Variants in EPHA6 observed in about 807,000 individuals in gnomAD.
The protein encoded by EPHA6 is ephrin type-A receptor 6.
Under a neutral mutation model 112.0 loss-of-function variants are expected in EPHA6, and 50 were observed. That is an observed-to-expected ratio of 0.45 (90% confidence interval 0.36 to 0.56). EPHA6 has a LOEUF of 0.56. Ranked by LOEUF, EPHA6 falls within the 20% of genes least tolerant of loss-of-function variation. The pLI, the probability that EPHA6 is intolerant of heterozygous loss-of-function variation, is 0.00. For missense variants in EPHA6, 1,280 were observed against 1,417.4 expected (o/e 0.90, Z 1.56); for synonymous variants, 529 against 490.7 (o/e 1.08, Z -1.03).
intron 2 of EPHA6, among the ~76,000 whole-genome samples, chr3:96,899,119 G>T (rs950591717): frequency 4.0e-5 from 6 of 151,824 alleles, no homozygotes; most frequent in Admixed American, 3.3e-4. Flanking sequence ...GAAGGTATTG[G>T]CAAGACCAAG....
In EPHA6 at chr3:97,749,173, G is replaced by T. The variant is rs1373362919; in HGVS notation, c.*472G>T. On this transcript the variant is annotated 3_prime_UTR_variant, in exon 18 of 18. Transcript: ENST00000389672. ...ATAATTATATTCAGCTCTATTGGTT[G>T]TATTATTACTTTATTTTTTAATACT... is the stretch of plus-strand genomic sequence containing the variant. The T allele has an allele frequency of 8.8e-6, 2 of 226,136 alleles. No individual in the cohort carries two copies. The highest frequency in any genetic ancestry group is 5.6e-5 in the Admixed American group (1 of 17,856). 14.0% of individuals were successfully genotyped at this position (226,136 alleles called of 1,614,324 possible).
intron 5 of EPHA6, among the ~76,000 whole-genome samples, chr3:97,327,624 A>C (rs1195312886): frequency 6.6e-6 from 1 of 151,804 alleles, no homozygotes; most frequent in Admixed American, 6.6e-5. Context: ...ACCTCTCTTC[A>C]TCCCCTCTCT....
chr3:97,137,131 C>A (rs1486772888), intron 3 of EPHA6, among the ~76,000 whole-genome samples: 4 of 152,104 alleles, frequency 2.6e-5, no homozygotes, highest in African/African-American at 9.7e-5. Flanking sequence ...TGATAACATA[C>A]AAATCACATT....
chr3:97,158,493 T>G (rs1484822030), intron 3 of EPHA6, among the ~76,000 whole-genome samples: 2 of 152,174 alleles, frequency 1.3e-5, no homozygotes, highest in African/African-American at 2.4e-5. Context: ...TTAATCATTT[T>G]AGGAGACTTA....
intron 3 of EPHA6, among the ~76,000 whole-genome samples, chr3:97,171,919 C>T (rs1423110486): frequency 6.6e-6 from 1 of 151,958 alleles, no homozygotes; most frequent in African/African-American, 2.4e-5. Context: ...AACAATAAGG[C>T]TATACTATCA....
At chr3:96,925,856 T>A (rs2040010697) in intron 2 of EPHA6, among the ~76,000 whole-genome samples, 1 of 152,136 alleles carries the variant, frequency 6.6e-6, no homozygotes, top group African/African-American at 2.4e-5. Flanking sequence ...TCCACCTGCC[T>A]TGGCCTCCCA....
chr3:97,668,671 T>C (rs1576246868), intron 14 of EPHA6, among the ~76,000 whole-genome samples: 3 of 152,012 alleles, frequency 2.0e-5, no homozygotes, highest in Admixed American at 6.6e-5. Flanking sequence ...CCCAGCACTT[T>C]GGGAGGCCGA....
intron 5 of EPHA6, among the ~76,000 whole-genome samples, chr3:97,388,750 A>T (rs2086225746): frequency 6.6e-6 from 1 of 152,154 alleles, no homozygotes; most frequent in Admixed American, 6.6e-5. Context: ...GGGGAAAAAG[A>T]TCCTCATCAC....
At chr3:96,977,387 G>T (rs142837181) in intron 2 of EPHA6, among the ~76,000 whole-genome samples, 1 of 152,112 alleles carries the variant, frequency 6.6e-6, no homozygotes, top group Non-Finnish European at 1.5e-5. Context: ...TAAAAGGGGG[G>T]TGGATGATGA....
At chr3:97,074,116 G>T (rs146714125) in intron 3 of EPHA6, among the ~76,000 whole-genome samples, 1 of 151,938 alleles carries the variant, frequency 6.6e-6, no homozygotes, top group East Asian at 1.9e-4. Context: ...ACACCACGTT[G>T]CATTTATGGG....
intron 3 of EPHA6, among the ~76,000 whole-genome samples, chr3:97,114,207 G>C (rs1170262310): frequency 6.6e-6 from 1 of 152,056 alleles, no homozygotes; most frequent in Non-Finnish European, 1.5e-5. Context: ...CCACATTTAG[G>C]AGAGCTTTCC....
chr3:97,191,148 T>C (rs2077295014), intron 3 of EPHA6, among the ~76,000 whole-genome samples: 1 of 152,050 alleles, frequency 6.6e-6, no homozygotes, highest in Non-Finnish European at 1.5e-5. Context: ...CTGAGACAAA[T>C]AAACCCTTCA....
chr3:97,111,952 T>C (rs960510124), intron 3 of EPHA6, among the ~76,000 whole-genome samples: 1 of 152,270 alleles, frequency 6.6e-6, no homozygotes, highest in Non-Finnish European at 1.5e-5. Context: ...ATAAGAAATA[T>C]TATTTATCTC....
In EPHA6 at chr3:96,974,029, G is replaced by A. The variant is rs1270108673; in HGVS notation, c.451-13301G>A. 2.8e-5 allele frequency among the ~76,000 whole-genome samples: 4 copies of A among 143,982 alleles called. No individual in the cohort carries two copies. The Admixed American group carries it at 2.8e-4, about 10-fold the overall frequency. 94.5% of individuals were successfully genotyped at this position (143,982 alleles called of 152,430 possible). Reference sequence around the variant, plus strand: ...ATATTTAATAAAATATATAAAATATGTTATTAATACAATAAATATATATAA... The same window carrying A: ...ATATTTAATAAAATATATAAAATATATTATTAATACAATAAATATATATAA... On this transcript the variant is annotated intron_variant, in intron 2 of 17. Transcript: ENST00000389672.
intron 11 of EPHA6, among the ~76,000 whole-genome samples, chr3:97,558,200 G>T (rs1369675482): frequency 6.6e-6 from 1 of 152,030 alleles, no homozygotes; most frequent in Non-Finnish European, 1.5e-5. Flanking sequence ...CTGCACATGT[G>T]AGGTGGATGG....
intron 5 of EPHA6, among the ~76,000 whole-genome samples, chr3:97,375,329 C>A (rs745956570): frequency 6.6e-6 from 1 of 152,040 alleles, no homozygotes; most frequent in Non-Finnish European, 1.5e-5. Context: ...TGAGAAAATA[C>A]CAGGAAGAAG....
In EPHA6 at chr3:97,719,830, G is replaced by A. The variant is rs535270371; in HGVS notation, c.2785-431G>A. Among the ~76,000 whole-genome samples the A allele has an allele frequency of 8.5e-5, 13 of 152,152 alleles. No individual in the cohort carries two copies. The East Asian group carries it at 1.2e-3, about 14-fold the overall frequency. On this transcript the variant is annotated intron_variant, in intron 14 of 17. Transcript: ENST00000389672. ...TATTGAATTGGTAGAGAATGTTTCC[G>A]TTCTGTATTTAAGCACTTGTCTTCA...
At chr3:96,865,197 C>G (rs913652184) in intron 1 of EPHA6, among the ~76,000 whole-genome samples, 1 of 151,948 alleles carries the variant, frequency 6.6e-6, no homozygotes, top group East Asian at 1.9e-4. Context: ...TTTAACAATA[C>G]TAAAGGAATA....
At chr3:96,859,955 C>T (rs934059033) in intron 1 of EPHA6, among the ~76,000 whole-genome samples, 2 of 152,050 alleles carry the variant, frequency 1.3e-5, no homozygotes, top group African/African-American at 4.8e-5. Context: ...GCTATATATG[C>T]TATAAACTAT....
Sources: gnomAD v4.1 joint callset for allele counts (sites outside exome capture counted in the v4.1 genomes callset) on GRCh38, gnomAD v4.1.1 for gene constraint, MANE v1.5 for transcripts, NCBI Gene and HGNC (gene_info 2026-07-23, HGNC 2026-07-21) for gene names.